Variants in PRKCE observed in about 807,000 individuals in gnomAD.
The protein encoded by PRKCE is protein kinase C epsilon type.
In PRKCE, 16 loss-of-function variants were observed where a neutral mutation model predicts 85.4. That is an observed-to-expected ratio of 0.19 (90% confidence interval 0.13 to 0.28). PRKCE has a LOEUF of 0.28. Among genes scored for constraint, PRKCE ranks in the 10% least tolerant of loss-of-function variants. PRKCE has a pLI of 1.00. For synonymous variants in PRKCE, 388 were observed against 371.5 expected, an observed-to-expected ratio of 1.04 and a Z score of -0.51; for missense variants, 573 against 975.2, an observed-to-expected ratio of 0.59 and a Z score of 5.49.
intron 1 of PRKCE, chr2:45,698,142 G>A (rs1678309226): frequency 6.6e-6 from 1 of 152,616 alleles, no homozygotes; most frequent in Non-Finnish European, 1.5e-5. Context: ...TTGGCCGCAG[G>A]TTAGGTGGCA....
chr2:46,019,647 T>C (rs1026097936), intron 10 of PRKCE, among the ~76,000 whole-genome samples: 1 of 152,224 alleles, frequency 6.6e-6, no homozygotes, highest in East Asian at 1.9e-4. Flanking sequence ...CTCTTCTTTA[T>C]ACCAATTAGC....
chr2:45,920,642 A>G (rs1698183242), intron 2 of PRKCE, among the ~76,000 whole-genome samples: 2 of 152,170 alleles, frequency 1.3e-5, no homozygotes, highest in Middle Eastern at 3.2e-3. Context: ...AAGACCACAT[A>G]TTGTATGATT....
At position 46,037,929 on chromosome 2, in the gene PRKCE, T is replaced by C. The variant is rs556821774; in HGVS notation, c.1437+27412T>C. ...GACTGAAACTCCTTGATGCTTATTT[T>C]CTTTATCTTAAAAACATAAAAAATA... On this transcript the variant is annotated intron_variant, in intron 10 of 14. Transcript: ENST00000306156. Among the ~76,000 whole-genome samples the C allele has an allele frequency of 2.8e-4, 42 of 152,232 alleles. 1 individual carries two copies. The highest frequency in any genetic ancestry group is 5.3e-4 in the Non-Finnish European group (36 of 68,036).
In PRKCE at chr2:46,004,964, C is replaced by G. The variant is rs1398201210; in HGVS notation, c.1063+326C>G. On this transcript the variant is annotated intron_variant, in intron 8 of 14. Coordinates refer to ENST00000306156, the MANE Select transcript of PRKCE (RefSeq NM_005400.3). The surrounding 1 kb of genome is among the most constrained non-coding windows in gnomAD (Gnocchi z 4.1). ...GTACTGCAGAGAGAAGGGTACAGCT[C>G]CCTCTCTTAAAGCTCTTGCCTGGCC... 6.6e-6 allele frequency among the ~76,000 whole-genome samples: 1 copy of G among 152,248 alleles called. No homozygotes were observed. The highest frequency in any genetic ancestry group is 1.5e-5 in the Non-Finnish European group (1 of 68,022).
intron 2 of PRKCE, among the ~76,000 whole-genome samples, chr2:45,854,203 C>T (rs1028000801): frequency 1.3e-5 from 2 of 152,194 alleles, no homozygotes; most frequent in South Asian, 2.1e-4. Flanking sequence ...CCCTGTTGGC[C>T]TTGCAATGTG....
At position 45,774,140 on chromosome 2, in the gene PRKCE, A is replaced by G. The variant is rs7557467; in HGVS notation, c.349-68860A>G. Among the ~76,000 whole-genome samples, 80,326 of 152,016 alleles carry G rather than the reference A, an allele frequency of 0.53. 23,648 individuals carry two copies. Among genetic ancestry groups the G allele is most frequent in the East Asian group, 0.76 (3,881 of 5,134 alleles). On this transcript the variant is annotated intron_variant, in intron 1 of 14. Coordinates refer to ENST00000306156, the MANE Select transcript of PRKCE (RefSeq NM_005400.3). The surrounding 1 kb of genome is among the most constrained non-coding windows in gnomAD (Gnocchi z 4.3). ...GGAGAGATGGGGGCTGGAGGGAGCC[A>G]GGGACTTGTCATCCTGGGAGTTCCA... is the stretch of plus-strand genomic sequence containing the variant.
At chr2:46,070,426 G>A (rs190178702) in intron 10 of PRKCE, among the ~76,000 whole-genome samples, 428 of 152,306 alleles carry the variant, frequency 2.8e-3, no homozygotes, top group African/African-American at 8.0e-3. Flanking sequence ...GGTGGATCAC[G>A]AGGTCAGGAG....
chr2:45,659,237 A>G (rs1328150762), intron 1 of PRKCE, among the ~76,000 whole-genome samples: 1 of 152,216 alleles, frequency 6.6e-6, no homozygotes, highest in East Asian at 1.9e-4. Flanking sequence ...CCTCAGCTTA[A>G]GAAATGGCAA....
chr2:46,152,262 A>T (rs1360581968), intron 13 of PRKCE, among the ~76,000 whole-genome samples: 1 of 151,632 alleles, frequency 6.6e-6, no homozygotes, highest in Non-Finnish European at 1.5e-5. Context: ...GCTCACTGCA[A>T]TCTCCTCCTC....
intron 10 of PRKCE, among the ~76,000 whole-genome samples, chr2:46,037,386 A>G (rs1707933755): frequency 6.6e-6 from 1 of 152,210 alleles, no homozygotes; most frequent in Non-Finnish European, 1.5e-5. Flanking sequence ...TCCATCAGTC[A>G]TTAGCCCTGT....
chr2:46,054,349 C>A (rs1234924573), intron 10 of PRKCE, among the ~76,000 whole-genome samples: 1 of 152,204 alleles, frequency 6.6e-6, no homozygotes, highest in Non-Finnish European at 1.5e-5. Flanking sequence ...AACTAACACG[C>A]AGGACATTAA....
At chr2:46,045,150 G>A (rs1260859557) in intron 10 of PRKCE, among the ~76,000 whole-genome samples, 8 of 151,974 alleles carry the variant, frequency 5.3e-5, no homozygotes, top group Non-Finnish European at 1.5e-5. Flanking sequence ...GACAACCTAG[G>A]GTATACCACA....
intron 2 of PRKCE, among the ~76,000 whole-genome samples, chr2:45,899,912 A>C (rs1696448123): frequency 6.6e-6 from 1 of 152,198 alleles, no homozygotes; most frequent in South Asian, 2.1e-4. Flanking sequence ...GGGGCTCTAA[A>C]TATCCAGAAA....
chr2:46,135,737 C>G (rs886332765), intron 11 of PRKCE, among the ~76,000 whole-genome samples: 1 of 39,014 alleles, frequency 2.6e-5, no homozygotes, highest in African/African-American at 1.0e-4. Flanking sequence ...GGTTCAGAAA[C>G]AAATTATGCT....
chr2:46,064,297 A>G (rs6710427), intron 10 of PRKCE, among the ~76,000 whole-genome samples: 42,287 of 139,958 alleles, frequency 0.3, 8,004 homozygotes, highest in African/African-American at 0.53. Context: ...AAAAAAAAAA[A>G]AAAAAGAAAA....
At chr2:45,789,469 C>T (rs182312968) in intron 1 of PRKCE, among the ~76,000 whole-genome samples, 1 of 152,314 alleles carries the variant, frequency 6.6e-6, no homozygotes, top group Non-Finnish European at 1.5e-5. Context: ...GGGCATGTAA[C>T]TCATCACTGT....
rs554515049 is a variant in PRKCE at position 45,993,396 on chromosome 2, C to T, written c.824-8008C>T. On this transcript the variant is annotated intron_variant, in intron 6 of 14. Coordinates refer to ENST00000306156, the MANE Select transcript of PRKCE (RefSeq NM_005400.3). ...CACTTTCAAAGTCACTATCTCACAT[C>T]GTGCATGCTAACTGATGTGTGATTG... is the stretch of plus-strand genomic sequence containing the variant. Among the ~76,000 whole-genome samples, 93 of 152,256 alleles carry T rather than the reference C, an allele frequency of 6.1e-4. 1 individual carries two copies. Among genetic ancestry groups the T allele is most frequent in the African/African-American group, 2.2e-3 (91 of 41,546 alleles).
At chr2:45,763,147 G>C (rs941065224) in intron 1 of PRKCE, among the ~76,000 whole-genome samples, 9 of 151,980 alleles carry the variant, frequency 5.9e-5, no homozygotes, top group African/African-American at 1.9e-4. Flanking sequence ...CTAGAGATGG[G>C]GTTTCACCAT....
chr2:46,083,624 G>A (rs76321140), intron 10 of PRKCE, among the ~76,000 whole-genome samples: 1,545 of 152,280 alleles, frequency 0.01, 26 homozygotes, highest in African/African-American at 0.036. Flanking sequence ...GCTTATCCTG[G>A]TGCTGCAGGG....
Sources: allele counts gnomAD v4.1 joint callset (sites outside exome capture counted in the v4.1 genomes callset), GRCh38; gene constraint gnomAD v4.1.1; non-coding constraint Gnocchi (gnomAD v3.1); transcripts MANE v1.5; gene names NCBI Gene and HGNC (gene_info 2026-07-23, HGNC 2026-07-21).